PSIP1: variants seen among roughly 807,000 people sequenced by gnomAD.
PSIP1 encodes PC4 and SRSF1 interacting protein 1.
In PSIP1, 19 loss-of-function variants were observed where a neutral mutation model predicts 74.7. The observed-to-expected ratio is 0.25, with a 90% CI of 0.18 to 0.37. The LOEUF is 0.37. Among genes scored for constraint, PSIP1 ranks in the 10% least tolerant of loss-of-function variants. The pLI, the probability that PSIP1 is intolerant of heterozygous loss-of-function variation, is 1.00. For synonymous variants in PSIP1, 222 were observed against 195.3 expected (o/e 1.14, Z -1.14); for missense variants, 601 against 614.3 (o/e 0.98, Z 0.23).
intron 4 of PSIP1, 90 bp downstream of exon 4, chr9:15,489,896 G>T: frequency 9.0e-7 from 1 of 1,115,542 alleles, no homozygotes. Flanking sequence ...AAATTCCCAA[G>T]GCTTTTAGTA....
intron 6 of PSIP1, among the ~76,000 whole-genome samples, chr9:15,485,271 A>C (rs146273886): frequency 2.0e-5 from 3 of 152,114 alleles, no homozygotes; most frequent in African/African-American, 7.2e-5. Flanking sequence ...AATTTCCTCT[A>C]TGTGAAATGG....
chr9:15,486,451 T>A (rs2036559720), intron 5 of PSIP1, among the ~76,000 whole-genome samples: 1 of 152,204 alleles, frequency 6.6e-6, no homozygotes, highest in African/African-American at 2.4e-5. Context: ...AAATGAGTCA[T>A]CTTTACACAC....
At chr9:15,484,742 A>C (rs2036485194) in intron 6 of PSIP1, among the ~76,000 whole-genome samples, 1 of 151,152 alleles carries the variant, frequency 6.6e-6, no homozygotes, top group Non-Finnish European at 1.5e-5. Context: ...AAAAACAAAA[A>C]CAAAACAAAA....
At chr9:15,497,325 C>CTTTTTTTTTTTTTTTTCTTTTTTTT (rs767922897) in intron 3 of PSIP1, among the ~76,000 whole-genome samples, 1 of 118,594 alleles carries the variant, frequency 8.4e-6, no homozygotes, top group African/African-American at 4.0e-5. Context: ...TCTATGATTC[C>CTTTTTTTTTTTTTTTTCTTTTTTTT]TTTTTTTTTT....
At chr9:15,510,035 A>C in intron 2 of PSIP1, 82 bp downstream of exon 2, 1 of 1,398,596 alleles carries the variant, frequency 7.2e-7, no homozygotes, top group Non-Finnish European at 9.9e-7. Context: ...AGGACAGAAG[A>C]AAAAATAAAG....
At position 15,486,071 on chromosome 9, in the gene PSIP1, A is replaced by T; in HGVS notation, c.394-3T>A. 4 of 1,578,156 alleles carry T rather than the reference A, an allele frequency of 2.5e-6. No homozygotes were observed. Among genetic ancestry groups the T allele is most frequent in the Non-Finnish European group, 3.5e-6 (4 of 1,155,610 alleles). On this transcript the variant is annotated splice_polypyrimidine_tract_variant and splice_region_variant and intron_variant, in intron 5 of 15. Coordinates refer to ENST00000380733, the MANE Select transcript of PSIP1 (RefSeq NM_033222.5). ...ATGTCAACTGCTTTAGTCACATCCT[A>T]AAAAAGAAAAAAGAAAACTGAATAC...
chr9:15,470,617 A>G (rs2132040889), intron 10 of PSIP1: 1 of 954,618 alleles, frequency 1.0e-6, no homozygotes, highest in South Asian at 4.9e-5. Flanking sequence ...ACAAGAACAA[A>G]AAATATCTAA....
At chr9:15,497,699 G>C (rs2037148472) in intron 3 of PSIP1, among the ~76,000 whole-genome samples, 1 of 152,028 alleles carries the variant, frequency 6.6e-6, no homozygotes, top group Non-Finnish European at 1.5e-5. Flanking sequence ...TGGGAAAGAA[G>C]ATTGGGTAGA....
chr9:15,489,939 C>G (rs202137998), intron 4 of PSIP1, 47 bp downstream of exon 4: 1 of 1,398,898 alleles, frequency 7.1e-7, no homozygotes, highest in East Asian at 2.5e-5. Context: ...AGTGATTATT[C>G]CCCAGGATTA....
chr9:15,501,910 C>G (rs1250796108), intron 3 of PSIP1, among the ~76,000 whole-genome samples: 5 of 148,424 alleles, frequency 3.4e-5, no homozygotes, highest in South Asian at 2.1e-4. Flanking sequence ...GGGTCTCCAG[C>G]CCCCTGGCCA....
At chr9:15,473,937 ACAAAGAAAAAAC>A in intron 9 of PSIP1, 60 bp downstream of exon 9, 1 of 976,416 alleles carries the variant, frequency 1.0e-6, no homozygotes, top group Non-Finnish European at 1.4e-6. Context: ...CAAAAAAAAA[ACAAAGAAAAAAC>A]AAAAAATATA....
chr9:15,485,984 G>T (rs756498006), intron 6 of PSIP1, 22 bp downstream of exon 6: 3 of 1,574,826 alleles, frequency 1.9e-6, no homozygotes, highest in Non-Finnish European at 2.6e-6. Context: ...GATCCCCATG[G>T]TTGGTAAGTC....
Position 15,474,121 on chromosome 9 carries a change from T to C in PSIP1, c.746A>G (p.Asp249Gly). The C allele has an allele frequency of 6.2e-7, 1 of 1,613,848 alleles. No individual in the cohort carries two copies. The highest frequency in any genetic ancestry group is 1.7e-4 in the Middle Eastern group (1 of 6,024). The change falls in exon 9 of 16, where the codon GAT becomes GGT. Residue 249 changes from aspartate to glycine, a missense_variant. Physicochemically the swap from Asp to Gly is moderately conservative, Grantham distance 94. Around this residue, in one of 2 missense-constraint regions of PSIP1, gnomAD observed 538 missense variants for 507.6 expected, o/e 1.06. Coordinates refer to ENST00000380733, the MANE Select transcript of PSIP1 (RefSeq NM_033222.5). Reference sequence around the variant, plus strand: ...AACTTCTTTCTTCCCCTCTTTTTTATCCGGCTCTTTTCTTGGCTTATCTTC... The same window carrying C: ...AACTTCTTTCTTCCCCTCTTTTTTACCCGGCTCTTTTCTTGGCTTATCTTC... ...KEEDKPRKEP[D>G]KKEGKKEVES...
chr9:15,506,461 GTTTCCTATTACGTTACGA>G, intron 3 of PSIP1, 82 bp downstream of exon 3: 1 of 825,966 alleles, frequency 1.2e-6, no homozygotes, highest in Non-Finnish European at 1.9e-6. Flanking sequence ...AGATTTTAAA[GTTTCCTATTACGTTACGA>G]TTTCCCCCTT....
chr9:15,502,816 A>AT (rs1224739200), intron 3 of PSIP1, among the ~76,000 whole-genome samples: 1 of 152,344 alleles, frequency 6.6e-6, no homozygotes, highest in African/African-American at 2.4e-5. Context: ...TAGGTTTAAA[A>AT]TATCTAGTAC....
chr9:15,499,897 G>T (rs1275221590), intron 3 of PSIP1, among the ~76,000 whole-genome samples: 1 of 147,518 alleles, frequency 6.8e-6, no homozygotes, highest in Non-Finnish European at 1.5e-5. Flanking sequence ...AAAAACCGAA[G>T]TCACATACAC....
chr9:15,490,165 C>A, intron 3 of PSIP1, 41 bp from the exon 4 acceptor site: 2 of 1,509,406 alleles, frequency 1.3e-6, no homozygotes, highest in South Asian at 2.7e-5. Flanking sequence ...AAAGCAAGCT[C>A]AAATACATAA....
intron 7 of PSIP1, 75 bp from the exon 8 acceptor site, chr9:15,478,627 G>A: frequency 4.0e-6 from 4 of 1,004,664 alleles, no homozygotes; most frequent in Non-Finnish European, 4.7e-6. Context: ...ATAAATATTA[G>A]AAATGATACA....
intron 2 of PSIP1, among the ~76,000 whole-genome samples, chr9:15,508,540 A>T (rs978048953): frequency 1.3e-5 from 2 of 152,084 alleles, no homozygotes; most frequent in Non-Finnish European, 2.9e-5. Context: ...GATTTGGGAG[A>T]TTTTTTAAAC....
Sources: allele counts gnomAD v4.1 joint callset (sites outside exome capture counted in the v4.1 genomes callset), GRCh38; gene constraint gnomAD v4.1.1; regional missense constraint gnomAD v4.1.1; transcripts MANE v1.5; gene names NCBI Gene and HGNC (gene_info 2026-07-23, HGNC 2026-07-21).